Variants in VCF1 observed in about 807,000 individuals in gnomAD.
The protein encoded by VCF1 is protein VCF1.
the VCF1 span, among the ~76,000 whole-genome samples, chr17:73,228,764 C>G: frequency 2.6e-5 from 4 of 152,178 alleles, no homozygotes; most frequent in African/African-American, 9.7e-5. Flanking sequence ...CAAGAAACTG[C>G]TAATTTCATC....
chr17:73,209,723 T>C, the VCF1 span: 2 of 1,534,518 alleles, frequency 1.3e-6, no homozygotes, highest in Non-Finnish European at 8.8e-7. Flanking sequence ...CTATTGATGC[T>C]GCTGCTGCTG....
the VCF1 span, among the ~76,000 whole-genome samples, chr17:73,214,662 T>A: frequency 6.6e-6 from 1 of 152,218 alleles, no homozygotes. Context: ...CCTATTTCCC[T>A]CACTTAGTTG....
chr17:73,209,730 G>A, the VCF1 span: 62 of 1,543,232 alleles, frequency 4.0e-5, 1 homozygote, highest in South Asian at 7.3e-4. Context: ...TGCTGCTGCT[G>A]CTGCTGCTGC....
the VCF1 span, chr17:73,227,039 G>C: frequency 2.8e-6 from 2 of 707,262 alleles, no homozygotes; most frequent in Admixed American, 3.6e-5. Context: ...AAACAGAAAG[G>C]TTAAACCAGT....
At chr17:73,215,385 C>T in the VCF1 span, among the ~76,000 whole-genome samples, 30 of 152,210 alleles carry the variant, frequency 2.0e-4, no homozygotes, top group African/African-American at 7.0e-4. Flanking sequence ...CATGCTCAAA[C>T]GATCCTCCTG....
chr17:73,217,090 G>A, the VCF1 span, among the ~76,000 whole-genome samples: 11 of 152,098 alleles, frequency 7.2e-5, no homozygotes, highest in African/African-American at 2.4e-4. Context: ...AACACTTTGG[G>A]AGGCCAAGGC....
the VCF1 span, chr17:73,208,793 T>C: frequency 8.1e-6 from 3 of 370,080 alleles, no homozygotes; most frequent in Non-Finnish European, 1.6e-5. Context: ...ATTACTTTAC[T>C]TGCAGAACTG....
the VCF1 span, among the ~76,000 whole-genome samples, chr17:73,224,275 A>AAC: frequency 6.6e-6 from 1 of 151,340 alleles, no homozygotes; most frequent in Non-Finnish European, 1.5e-5. Context: ...AAAAAAAAAA[A>AAC]AAAAAAAAAA....
the VCF1 span, chr17:73,232,188 C>G: frequency 6.2e-7 from 1 of 1,609,512 alleles, no homozygotes; most frequent in South Asian, 1.1e-5. Flanking sequence ...GCGGCCGCCA[C>G]GCCCACCCCC....
chr17:73,224,261 TCCAAAAAAAAAA>T, the VCF1 span, among the ~76,000 whole-genome samples: 1 of 70,350 alleles, frequency 1.4e-5, no homozygotes, highest in South Asian at 6.4e-4. Flanking sequence ...ACGTCGTCTC[TCCAAAAAAAAAA>T]AAAAAAAAAA....
chr17:73,221,588 T>C, the VCF1 span, among the ~76,000 whole-genome samples: 5 of 152,120 alleles, frequency 3.3e-5, no homozygotes, highest in African/African-American at 7.2e-5. Flanking sequence ...AGAATGGCTT[T>C]ACACGAAACA....
the VCF1 span, among the ~76,000 whole-genome samples, chr17:73,222,767 ACT>A: frequency 7.2e-6 from 1 of 138,214 alleles, no homozygotes; most frequent in African/African-American, 2.7e-5. Context: ...ACAGAGCGAA[ACT>A]CTGTCTCAAA....
the VCF1 span, among the ~76,000 whole-genome samples, chr17:73,222,244 A>G: frequency 3.3e-5 from 5 of 151,908 alleles, no homozygotes; most frequent in East Asian, 7.7e-4. Flanking sequence ...ACTTAAAAAA[A>G]TAGTATTCTA....
the VCF1 span, among the ~76,000 whole-genome samples, chr17:73,220,283 C>A: frequency 3.9e-5 from 6 of 152,012 alleles, no homozygotes; most frequent in African/African-American, 7.2e-5. Context: ...TTATAGACTC[C>A]TAACTTTATG....
the VCF1 span, among the ~76,000 whole-genome samples, chr17:73,222,353 C>T: frequency 6.6e-6 from 1 of 151,700 alleles, no homozygotes; most frequent in Non-Finnish European, 1.5e-5. Context: ...CACAAGACCA[C>T]ATTTTTGTTT....
At chr17:73,217,860 TA>T in the VCF1 span, among the ~76,000 whole-genome samples, 4 of 151,416 alleles carry the variant, frequency 2.6e-5, no homozygotes, top group Middle Eastern at 3.2e-3. Flanking sequence ...GAGTCCCAGC[TA>T]TTTGAGAGGC....
At chr17:73,209,668 A>C in the VCF1 span, 2 of 1,551,750 alleles carry the variant, frequency 1.3e-6, no homozygotes, top group African/African-American at 1.4e-5. Flanking sequence ...GGATCCGGCC[A>C]TGGTCTGGCT....
At chr17:73,214,983 T>G in the VCF1 span, among the ~76,000 whole-genome samples, 5 of 152,228 alleles carry the variant, frequency 3.3e-5, no homozygotes, top group African/African-American at 4.8e-5. Flanking sequence ...AGTGCTGACA[T>G]GACATCTGAC....
the VCF1 span, among the ~76,000 whole-genome samples, chr17:73,224,335 C>T: frequency 6.7e-6 from 1 of 148,896 alleles, no homozygotes. Context: ...GTTCCAGCTA[C>T]TTGGGAGGCT....
Sources: allele counts gnomAD v4.1 joint callset (sites outside exome capture counted in the v4.1 genomes callset), GRCh38; gene constraint gnomAD v4.1.1; transcripts MANE v1.5; gene names NCBI Gene and HGNC (gene_info 2026-07-23, HGNC 2026-07-21).